The following HNRNPU variants were observed in gnomAD, a reference collection of about 807,000 sequenced individuals.
The protein encoded by HNRNPU is HNRNPU antisense RNA 1.
Under a neutral mutation model 94.7 loss-of-function variants are expected in HNRNPU, and 5 were observed. The ratio of observed to expected loss-of-function variants is 0.05; its 90% CI spans 0.03 to 0.11. The LOEUF is 0.11. Ranked by LOEUF, HNRNPU falls within the 10% of genes least tolerant of loss-of-function variation. The probability of loss-of-function intolerance (pLI) is 1.00; values close to 1 mark genes in which losing one functional copy is unlikely to be tolerated. For synonymous variants in HNRNPU, 434 were observed against 381.6 expected, an observed-to-expected ratio of 1.14 and a Z score of -1.60; for missense variants, 710 against 1,049.2, an observed-to-expected ratio of 0.68 and a Z score of 4.47.
chr1:244,857,411 TAATTTTTA>T (rs1208720698), intron 8 of HNRNPU, 179 bp downstream of exon 8: 3 of 564,094 alleles, frequency 5.3e-6, no homozygotes, highest in Non-Finnish European at 6.1e-6. Flanking sequence ...CACACCCAGC[TAATTTTTA>T]AATTTTTAGT....
chr1:244,855,280 T>G, intron 12 of HNRNPU, 144 bp downstream of exon 12: 1 of 844,326 alleles, frequency 1.2e-6, no homozygotes, highest in South Asian at 1.6e-5. Flanking sequence ...AGTAGACTCA[T>G]TTCACCATTA....
In HNRNPU at chr1:244,860,613, A is replaced by C. The variant is rs1680801335; in HGVS notation, c.878-139T>G. ...TTTCTCCACATCATGCTGTTGTTCC[A>C]ATTTTCAGTTTAAAGCCCCACTCCC... On this transcript the variant is annotated intron_variant, in intron 3 of 13. Coordinates refer to ENST00000640218, the MANE Select transcript of HNRNPU (RefSeq NM_031844.3). 4.5e-6 allele frequency: 3 copies of C among 660,546 alleles called. No individual in the cohort carries two copies. In the South Asian group the frequency reaches 6.0e-5, roughly 13 times the overall value. The allele number at this position is 660,546 out of a possible 1,614,324, so 40.9% of individuals were successfully genotyped here. A position where few individuals can be genotyped will look rare whatever the true frequency, so the allele number is the denominator to read the frequency against.
rs1680557091 is a variant in HNRNPU, at chr1:244,851,832, A to G, written c.*2618T>C. On this transcript the variant is annotated 3_prime_UTR_variant, in exon 14 of 14. Coordinates refer to ENST00000640218, the MANE Select transcript of HNRNPU (RefSeq NM_031844.3). ...TTCCACATAATTTTACATCATTTCT[A>G]TCTCATAGCAGTTTTAGTTTTCTCA... 6.6e-6 allele frequency: 1 copy of G among 152,202 alleles called. No homozygotes were observed. Among genetic ancestry groups the G allele is most frequent in the Non-Finnish European group, 1.5e-5 (1 of 68,032 alleles). The allele number at this position is 152,202 out of a possible 1,614,324, so 9.4% of individuals were successfully genotyped here.
chr1:244,860,488 A>C lies in HNRNPU; in HGVS notation c.878-14T>G, dbSNP rs373890690. The C allele has an allele frequency of 6.3e-7, 1 of 1,583,200 alleles. No homozygotes were observed. On this transcript the variant is annotated splice_polypyrimidine_tract_variant and intron_variant, in intron 3 of 13. Coordinates refer to ENST00000640218, the MANE Select transcript of HNRNPU (RefSeq NM_031844.3). ...GATCACAATTATCTGTAATTATATCAAATACTGTGTTACTTTTGACATCCA... is the reference window on the plus strand; with the variant it reads ...GATCACAATTATCTGTAATTATATCCAATACTGTGTTACTTTTGACATCCA...
rs753256595 is a variant in HNRNPU at position 244,858,234 on chromosome 1, T to C, written c.1271A>G (p.Asn424Ser). The C allele has an allele frequency of 9.9e-6, 16 of 1,614,038 alleles. No individual in the cohort carries two copies. In the South Asian group the frequency reaches 1.8e-4, roughly 18 times the overall value. Residue 424 changes from asparagine to serine, a missense_variant, in exon 7 of 14, where the codon AAT becomes AGT. Around this residue, in one of 8 missense-constraint regions of HNRNPU, gnomAD observed 150 missense variants for 187.9 expected, o/e 0.80. Coordinates refer to ENST00000640218, the MANE Select transcript of HNRNPU (RefSeq NM_031844.3). Reference protein sequence around the residue: ...SDEVELSYAKNGQDLGVAFKI... With the variant: ...SDEVELSYAKSGQDLGVAFKI... ...GAAGGCAACGCCAAGATCTTGTCCA[T>C]TCTTAGCATACGAGAGTTCTACTTC... is the stretch of plus-strand genomic sequence containing the variant.
At chr1:244,858,464 C>A (rs1573332139) in intron 6 of HNRNPU, 190 bp from the exon 7 acceptor site, 1 of 618,978 alleles carries the variant, frequency 1.6e-6, no homozygotes. Flanking sequence ...TCTCCAGAAC[C>A]AGAAACAATA....
rs781020729 is a variant in HNRNPU at position 244,855,619 on chromosome 1, A to C, written c.2168-11T>G. The stretch of plus-strand genomic sequence containing the variant: ...CACGATTCCCAGGGGCTAAAAGACA[A>C]GAGCTGTTTTAGTTTCATTGTATAT... On this transcript the variant is annotated splice_polypyrimidine_tract_variant and intron_variant, in intron 11 of 13. Coordinates refer to ENST00000640218, the MANE Select transcript of HNRNPU (RefSeq NM_031844.3). 4.3e-6 allele frequency: 7 copies of C among 1,613,486 alleles called. No individual in the cohort carries two copies. The East Asian group carries it at 1.6e-4, about 36-fold the overall frequency.
intron 3 of HNRNPU, chr1:244,862,197 G>C (rs1430630337): frequency 2.8e-6 from 1 of 363,618 alleles, no homozygotes; most frequent in Non-Finnish European, 4.9e-6. Flanking sequence ...TCAAAAACTG[G>C]CATTAATTTT....
chr1:244,860,181 T>TC, intron 4 of HNRNPU, 154 bp downstream of exon 4: 1 of 594,082 alleles, frequency 1.7e-6, no homozygotes. Context: ...GTGCCTCTAG[T>TC]CCGAGCTACT....
In HNRNPU at chr1:244,851,246, TTATTC is replaced by T. The variant is rs1680541626; in HGVS notation, c.*3199_*3203del. On this transcript the variant is annotated 3_prime_UTR_variant, in exon 14 of 14. Transcript: ENST00000640218. The stretch of plus-strand genomic sequence containing the variant: ...CTAAGATATGTTTATGCCTCTCTGT[TTATTC>T]TAGTTTTTTAAAAATCAAATATACA... 1.3e-5 allele frequency: 2 copies of T among 152,230 alleles called. No homozygotes were observed. Among genetic ancestry groups the T allele is most frequent in the African/African-American group, 4.8e-5 (2 of 41,462 alleles). 9.4% of individuals were successfully genotyped at this position (152,230 alleles called of 1,614,324 possible).
chr1:244,863,766 TTG>T lies in HNRNPU; in HGVS notation c.540_541del (p.Lys181GlyfsTer32). 6.3e-7 allele frequency: 1 copy of T among 1,594,284 alleles called. No homozygotes were observed. Among genetic ancestry groups the T allele is most frequent in the South Asian group, 1.1e-5 (1 of 89,068 alleles). On this transcript the variant is annotated frameshift_variant, in exon 1 of 14. Coordinates refer to ENST00000640218, the MANE Select transcript of HNRNPU (RefSeq NM_031844.3). LOFTEE classifies it high-confidence loss of function. ...GCCGCTGCTCTTCCCCGCGGCCTCC[TTG>T]GCGGCCCCGCGCTGCTGTTGGGGCT... is the stretch of plus-strand genomic sequence containing the variant.
chr1:244,860,527 T>C (rs1680798363), intron 3 of HNRNPU, 53 bp from the exon 4 acceptor site: 3 of 1,429,954 alleles, frequency 2.1e-6, no homozygotes, highest in Non-Finnish European at 1.9e-6. Context: ...TAAACATATC[T>C]GCTATGTAGA....
In HNRNPU at chr1:244,852,143, T is replaced by G. The variant is rs183957633; in HGVS notation, c.*2307A>C. 181 of 152,318 alleles carry G rather than the reference T, an allele frequency of 1.2e-3. 4 individuals are homozygous for G. Among genetic ancestry groups the G allele is most frequent in the African/African-American group, 4.2e-3 (173 of 41,570 alleles). The allele number at this position is 152,318 out of a possible 1,614,324, so 9.4% of individuals were successfully genotyped here. Reference sequence around the variant, plus strand: ...ATCAGGTTTCTCGTTCGTATCTTACTTCTTACCTAATTTTCTCCCTGTTGC... The same window carrying G: ...ATCAGGTTTCTCGTTCGTATCTTACGTCTTACCTAATTTTCTCCCTGTTGC... On this transcript the variant is annotated 3_prime_UTR_variant, in exon 14 of 14. Coordinates refer to ENST00000640218, the MANE Select transcript of HNRNPU (RefSeq NM_031844.3).
chr1:244,859,206 G>T, intron 5 of HNRNPU, 69 bp downstream of exon 5: 1 of 814,198 alleles, frequency 1.2e-6, no homozygotes, highest in Non-Finnish European at 2.1e-6. Context: ...ATGCCCTCTA[G>T]TTAAAAAACA....
At chr1:244,859,449 C>A in intron 4 of HNRNPU, 75 bp from the exon 5 acceptor site, 1 of 718,590 alleles carries the variant, frequency 1.4e-6, no homozygotes, top group Non-Finnish European at 2.5e-6. Context: ...TATTTCATTG[C>A]GCCACGGGCT....
intron 1 of HNRNPU, 123 bp downstream of exon 1, chr1:244,863,493 CA>C: frequency 8.6e-7 from 1 of 1,163,482 alleles, no homozygotes; most frequent in Non-Finnish European, 1.1e-6. Context: ...CCCCCTCCCC[CA>C]CCCTCACCGC....
At chr1:244,857,930 T>C in intron 7 of HNRNPU, 81 bp downstream of exon 7, 3 of 1,393,756 alleles carry the variant, frequency 2.2e-6, no homozygotes, top group Non-Finnish European at 2.9e-6. Flanking sequence ...AACAGACTAA[T>C]CATCTAGTTC....
At chr1:244,863,074 T>TC (rs1023950887) in intron 1 of HNRNPU, 1 of 271,882 alleles carries the variant, frequency 3.7e-6, no homozygotes, top group African/African-American at 2.4e-5. Flanking sequence ...GGGCCCGCGC[T>TC]CCCCGCGGCC....
Position 244,863,875 on chromosome 1 carries a change from G to C in HNRNPU, c.433C>G (p.Leu145Val). ...DQGFQEGEDE[L>V]GDEEEGAGDE... ...CCCGCGCCTTCCTCTTCGTCCCCGA[G>C]CTCATCTTCCCCTTCCTGGAAACCC... The change falls in exon 1 of 14, where the codon CTC becomes GTC. Residue 145 changes from leucine to valine, a missense_variant. Physicochemically the swap from Leu to Val is conservative, Grantham distance 32 (BLOSUM62 1). Transcript: ENST00000640218. The C allele has an allele frequency of 6.2e-7, 1 of 1,613,758 alleles. No homozygotes were observed. Among genetic ancestry groups the C allele is most frequent in the Non-Finnish European group, 8.5e-7 (1 of 1,179,912 alleles).
Sources: allele counts gnomAD v4.1 joint callset, GRCh38; gene constraint gnomAD v4.1.1; regional missense constraint gnomAD v4.1.1; transcripts MANE v1.5; gene names NCBI Gene and HGNC (gene_info 2026-07-23, HGNC 2026-07-21).